Variants in NIPAL2 observed in about 807,000 individuals in gnomAD.
NIPAL2 encodes the protein NIPA-like protein 2.
A neutral mutation model predicts 48.9 loss-of-function variants in NIPAL2; 43 were observed. The observed-to-expected ratio is 0.88, with a 90% CI of 0.69 to 1.13. The LOEUF (loss-of-function observed/expected upper bound fraction) is 1.13. Among genes scored for constraint, NIPAL2 ranks in the 50% most tolerant of loss-of-function variants. The probability of loss-of-function intolerance (pLI) is 0.00; values close to 1 mark genes in which losing one functional copy is unlikely to be tolerated. For synonymous variants in NIPAL2, 167 were observed against 174.6 expected (o/e 0.96, Z 0.34); for missense variants, 446 against 461.4 (o/e 0.97, Z 0.31).
chr8:98,233,761 C>T (rs1311212113), intron 4 of NIPAL2, among the ~76,000 whole-genome samples: 7 of 152,190 alleles, frequency 4.6e-5, no homozygotes, highest in Non-Finnish European at 8.8e-5. Context: ...TCCATAGTTA[C>T]AACTTGCATT....
intron 1 of NIPAL2, among the ~76,000 whole-genome samples, chr8:98,268,049 C>T (rs1814880872): frequency 6.6e-6 from 1 of 152,174 alleles, no homozygotes; most frequent in African/African-American, 2.4e-5. Context: ...GTAGAGCAAC[C>T]ATAAACTGTA....
intron 1 of NIPAL2, among the ~76,000 whole-genome samples, chr8:98,267,844 T>C (rs1464968094): frequency 6.6e-6 from 1 of 152,128 alleles, no homozygotes; most frequent in Non-Finnish European, 1.5e-5. Flanking sequence ...TGAAGTTTGT[T>C]CCCCACCCCC....
intron 6 of NIPAL2, among the ~76,000 whole-genome samples, chr8:98,207,423 T>C (rs1191881351): frequency 1.3e-5 from 2 of 152,148 alleles, no homozygotes; most frequent in East Asian, 1.9e-4. Context: ...TGGGGGGTGG[T>C]TGATGAGGAT....
At chr8:98,201,213 G>C (rs76652206) in intron 8 of NIPAL2, among the ~76,000 whole-genome samples, 2,549 of 152,216 alleles carry the variant, frequency 0.017, 42 homozygotes, top group Non-Finnish European at 0.03. Flanking sequence ...TGGAGGCAGA[G>C]AGGAGAAGTA....
intron 6 of NIPAL2, among the ~76,000 whole-genome samples, chr8:98,205,872 G>A (rs1478830319): frequency 1.3e-5 from 2 of 152,176 alleles, no homozygotes; most frequent in African/African-American, 2.4e-5. Flanking sequence ...CAGGAGCAGA[G>A]TTGAGTATTC....
chr8:98,232,028 G>C (rs1812465860), intron 4 of NIPAL2, among the ~76,000 whole-genome samples: 2 of 151,916 alleles, frequency 1.3e-5, no homozygotes, highest in Admixed American at 1.3e-4. Context: ...TTTGCTTTTA[G>C]CAGAAAAAGC....
intron 1 of NIPAL2, among the ~76,000 whole-genome samples, chr8:98,260,586 C>T (rs1329101447): frequency 9.2e-5 from 14 of 152,286 alleles, no homozygotes; most frequent in Admixed American, 3.9e-4. Context: ...TAAAAAACGG[C>T]GCACCACGAG....
chr8:98,202,125 T>G (rs562053394), intron 8 of NIPAL2, among the ~76,000 whole-genome samples: 2 of 152,370 alleles, frequency 1.3e-5, no homozygotes, highest in African/African-American at 4.8e-5. Flanking sequence ...ATCATGCCTG[T>G]CATATTTTAA....
chr8:98,282,741 C>T (rs760381468), intron 1 of NIPAL2, among the ~76,000 whole-genome samples: 8 of 152,130 alleles, frequency 5.3e-5, no homozygotes, highest in African/African-American at 9.7e-5. Context: ...ATCTGAACTA[C>T]GGTAATGCTT....
intron 6 of NIPAL2, 48 bp from the exon 7 acceptor site, chr8:98,205,294 A>C: frequency 6.6e-7 from 1 of 1,519,804 alleles, no homozygotes. Flanking sequence ...TTTCAGATTG[A>C]ATTAACAAAT....
chr8:98,199,170 G>A (rs1449052860), intron 8 of NIPAL2, among the ~76,000 whole-genome samples: 1 of 151,902 alleles, frequency 6.6e-6, no homozygotes, highest in Non-Finnish European at 1.5e-5. Context: ...TGGTCAGGCT[G>A]GTCTCGAACT....
chr8:98,254,129 A>C (rs1813746116), intron 1 of NIPAL2, 42 bp from the exon 2 acceptor site: 1 of 1,508,054 alleles, frequency 6.6e-7, no homozygotes, highest in Non-Finnish European at 9.1e-7. Context: ...CTTGTAAGAT[A>C]TTTACTGGAA....
At chr8:98,256,631 T>TAA (rs34524696) in intron 1 of NIPAL2, among the ~76,000 whole-genome samples, 33 of 146,906 alleles carry the variant, frequency 2.2e-4, no homozygotes, top group Middle Eastern at 3.5e-3. Flanking sequence ...TGGCTATAAT[T>TAA]AAAAAAAAAA....
intron 6 of NIPAL2, among the ~76,000 whole-genome samples, chr8:98,206,896 T>A (rs1289919643): frequency 6.6e-6 from 1 of 152,214 alleles, no homozygotes; most frequent in Non-Finnish European, 1.5e-5. Flanking sequence ...TTCTCCATCT[T>A]AAGATGTCTT....
intron 3 of NIPAL2, among the ~76,000 whole-genome samples, chr8:98,250,327 G>A (rs1036057106): frequency 4.7e-5 from 7 of 148,670 alleles, no homozygotes; most frequent in Admixed American, 4.0e-4. Context: ...ACAGACATAA[G>A]AGACATCTGG....
At chr8:98,230,801 A>C (rs1812404402) in intron 4 of NIPAL2, among the ~76,000 whole-genome samples, 1 of 152,174 alleles carries the variant, frequency 6.6e-6, no homozygotes, top group African/African-American at 2.4e-5. Flanking sequence ...CTTGGAATCT[A>C]AGATGTACTT....
chr8:98,211,682 T>G (rs1811319475), intron 6 of NIPAL2, among the ~76,000 whole-genome samples: 1 of 149,264 alleles, frequency 6.7e-6, no homozygotes, highest in African/African-American at 2.5e-5. Flanking sequence ...AAATGATTAG[T>G]GAGATCTCCT....
At chr8:98,223,628 G>A (rs973999935) in intron 4 of NIPAL2, among the ~76,000 whole-genome samples, 5 of 152,140 alleles carry the variant, frequency 3.3e-5, no homozygotes, top group Admixed American at 2.6e-4. Flanking sequence ...CCTGTTCCTC[G>A]TATGCAAATG....
chr8:98,224,269 C>T (rs1812041001), intron 4 of NIPAL2, among the ~76,000 whole-genome samples: 1 of 152,216 alleles, frequency 6.6e-6, no homozygotes, highest in Non-Finnish European at 1.5e-5. Context: ...AAGTTAACTA[C>T]TACCACTAGT....
Sources: allele counts gnomAD v4.1 joint callset (sites outside exome capture counted in the v4.1 genomes callset), GRCh38; gene constraint gnomAD v4.1.1; transcripts MANE v1.5; gene names NCBI Gene and HGNC (gene_info 2026-07-23, HGNC 2026-07-21).